Variants in JMJD1C observed in about 807,000 individuals in gnomAD.
JMJD1C encodes jumonji domain containing 1C, also known as jumonji domain-containing protein 1C.
In JMJD1C, 31 loss-of-function variants were observed where a neutral mutation model predicts 245.3. The observed-to-expected ratio is 0.13, with a 90% confidence interval of 0.09 to 0.17. The LOEUF is 0.17. JMJD1C is among the 10% of genes least tolerant of loss of function. JMJD1C has a pLI of 1.00. For synonymous variants in JMJD1C, 1,057 were observed against 1,017.4 expected, an observed-to-expected ratio of 1.04 and a Z score of -0.74; for missense variants, 2,691 against 3,000.2, an observed-to-expected ratio of 0.90 and a Z score of 2.41.
At chr10:63,401,012 C>G in intron 1 of JMJD1C, among the ~76,000 whole-genome samples, 1 of 152,154 alleles carries the variant, frequency 6.6e-6, no homozygotes, top group Middle Eastern at 3.4e-3. Context: ...GTGCCCTCCA[C>G]CACACCCGGC....
intron 1 of JMJD1C, among the ~76,000 whole-genome samples, chr10:63,425,167 G>C (rs1950368595): frequency 6.6e-6 from 1 of 151,802 alleles, no homozygotes; most frequent in African/African-American, 2.4e-5. Context: ...GTAAAATATA[G>C]GTATAAATAC....
At chr10:63,372,961 C>A in intron 2 of JMJD1C, 2 of 211,060 alleles carry the variant, frequency 9.5e-6, no homozygotes, top group East Asian at 1.6e-4. Context: ...AGTGTTACAG[C>A]CCACCTGGGT....
chr10:63,302,238 CT>C (rs1860184567), intron 2 of JMJD1C, among the ~76,000 whole-genome samples: 1 of 152,126 alleles, frequency 6.6e-6, no homozygotes, highest in African/African-American at 2.4e-5. Context: ...AGAAGAAGCC[CT>C]GTACTCAAGT....
At chr10:63,466,139 A>AGGCGGCGGCGGCGGC (rs3841602), upstream of JMJD1C, 42 of 177,054 alleles carry the variant, frequency 2.4e-4, 2 homozygotes, top group African/African-American at 5.0e-4. Flanking sequence ...CCAGATCCAG[A>AGGCGGCGGCGGCGGC]GGCGGCGGCG....
chr10:63,204,705 T>G (rs1340901485), intron 10 of JMJD1C: 3 of 985,270 alleles, frequency 3.0e-6, no homozygotes, highest in African/African-American at 3.5e-5. Context: ...TCGATGTTAA[T>G]CCCCCTCTCT....
In JMJD1C at chr10:63,206,933, A is replaced by G; in HGVS notation, c.4736T>C (p.Ile1579Thr). The G allele has an allele frequency of 6.2e-7, 1 of 1,612,268 alleles. No individual in the cohort carries two copies. Among genetic ancestry groups the G allele is most frequent in the Non-Finnish European group, 8.5e-7 (1 of 1,179,092 alleles). ...ENSGNSVSEI[I>T]KPCSVNLIAS... ...TATTAAGTTGACAGAACATGGCTTA[A>G]TAATTTCTGATACAGAATTCCCTGA... Residue 1579 changes from isoleucine (I) to threonine (T), a missense_variant, in exon 10 of 26, where the codon ATT (isoleucine) becomes ACT (threonine). Physicochemically the swap from Ile to Thr is moderately conservative, Grantham distance 89 (BLOSUM62 -1). This residue lies in a region of JMJD1C where 144 missense variants were observed against 143.3 expected (regional missense o/e 1.00). Transcript: ENST00000399262.
intron 1 of JMJD1C, among the ~76,000 whole-genome samples, chr10:63,494,927 A>T (rs368984746): frequency 6.6e-6 from 1 of 152,204 alleles, no homozygotes; most frequent in East Asian, 1.9e-4. Context: ...AAGTACCTTG[A>T]GGAAGCCCTC....
At chr10:63,381,868 T>C (rs1209113520) in intron 1 of JMJD1C, among the ~76,000 whole-genome samples, 1 of 152,142 alleles carries the variant, frequency 6.6e-6, no homozygotes, top group East Asian at 1.9e-4. Flanking sequence ...CACTAAATAA[T>C]GATGTCTGTA....
intron 1 of JMJD1C, among the ~76,000 whole-genome samples, chr10:63,453,335 G>C (rs924558748): frequency 1.3e-5 from 2 of 152,076 alleles, no homozygotes; most frequent in African/African-American, 4.8e-5. Context: ...TTTACAATAA[G>C]AAAAATTTTT....
chr10:63,233,815 G>A (rs1000104266), intron 3 of JMJD1C, among the ~76,000 whole-genome samples: 1 of 151,024 alleles, frequency 6.6e-6, no homozygotes, highest in Admixed American at 6.6e-5. Context: ...GATATTACCA[G>A]TAATTTCTTT....
intron 2 of JMJD1C, among the ~76,000 whole-genome samples, chr10:63,316,614 ATTTT>A (rs1329995566): frequency 6.6e-6 from 1 of 151,962 alleles, no homozygotes; most frequent in Non-Finnish European, 1.5e-5. Flanking sequence ...TGCCCAGTTA[ATTTT>A]TTTATTTTTA....
chr10:63,435,554 G>A (rs1015290814), intron 1 of JMJD1C, among the ~76,000 whole-genome samples: 10 of 151,940 alleles, frequency 6.6e-5, no homozygotes, highest in Non-Finnish European at 1.0e-4. Flanking sequence ...ATATTCTACC[G>A]GCTCACAGTG....
At chr10:63,434,827 C>T (rs1412251355) in intron 1 of JMJD1C, among the ~76,000 whole-genome samples, 1 of 152,158 alleles carries the variant, frequency 6.6e-6, no homozygotes, top group East Asian at 1.9e-4. Flanking sequence ...TCTAAGTTCA[C>T]CTGAGTTTGG....
At chr10:63,417,246 T>C (rs950833444) in intron 1 of JMJD1C, among the ~76,000 whole-genome samples, 1 of 152,184 alleles carries the variant, frequency 6.6e-6, no homozygotes, top group African/African-American at 2.4e-5. Flanking sequence ...AAGTTAAATA[T>C]GTTAAGAAGC....
intron 2 of JMJD1C, among the ~76,000 whole-genome samples, chr10:63,308,627 T>C (rs2134031879): frequency 6.8e-6 from 1 of 147,492 alleles, no homozygotes; most frequent in Non-Finnish European, 1.5e-5. Flanking sequence ...AAAAAACAGT[T>C]GGAAGCTTAA....
At chr10:63,300,807 A>C (rs918579405) in intron 2 of JMJD1C, among the ~76,000 whole-genome samples, 1 of 151,224 alleles carries the variant, frequency 6.6e-6, no homozygotes, top group African/African-American at 2.4e-5. Flanking sequence ...GACAAGAATC[A>C]CTCGAACCCG....
At chr10:63,447,348 A>T (rs999099395) in intron 1 of JMJD1C, among the ~76,000 whole-genome samples, 1 of 152,246 alleles carries the variant, frequency 6.6e-6, no homozygotes, top group African/African-American at 2.4e-5. Flanking sequence ...CATAGTAAAA[A>T]GCAGGCTACA....
intron 3 of JMJD1C, 122 bp from the exon 4 acceptor site, chr10:63,220,105 A>C (rs1352119737): frequency 5.1e-6 from 3 of 593,978 alleles, no homozygotes; most frequent in Non-Finnish European, 8.8e-6. Flanking sequence ...GTATGCAAAA[A>C]CACAAATTCA....
chr10:63,222,589 A>C, intron 3 of JMJD1C: 1 of 1,596,148 alleles, frequency 6.3e-7, no homozygotes, highest in Non-Finnish European at 8.6e-7. Flanking sequence ...CAAAATTACC[A>C]ATGTTTCTTC....
Sources: allele counts gnomAD v4.1 joint callset (sites outside exome capture counted in the v4.1 genomes callset), GRCh38; gene constraint gnomAD v4.1.1; regional missense constraint gnomAD v4.1.1; transcripts MANE v1.5; gene names NCBI Gene and HGNC (gene_info 2026-07-23, HGNC 2026-07-21).